The following PTPRZ1 variants were observed in gnomAD, a reference collection of about 807,000 sequenced individuals.
PTPRZ1 encodes protein tyrosine phosphatase receptor type Z1, also known as receptor-type tyrosine-protein phosphatase zeta.
PTPRZ1 carries 82 observed loss-of-function variants against 214.1 expected under a neutral mutation model. The observed-to-expected ratio is 0.38, with a 90% CI of 0.32 to 0.46. PTPRZ1 has a LOEUF of 0.46. Ranked by LOEUF, PTPRZ1 falls within the 20% of genes least tolerant of loss-of-function variation. The pLI is 1.00. For synonymous variants in PTPRZ1, 945 were observed against 987.9 expected (o/e 0.96, Z 0.81); for missense variants, 2,603 against 2,748.7 (o/e 0.95, Z 1.19).
chr7:122,056,716 A>G (rs1254002126), intron 27 of PTPRZ1, among the ~76,000 whole-genome samples: 1 of 151,452 alleles, frequency 6.6e-6, no homozygotes, highest in East Asian at 1.9e-4. Context: ...ATTGACTTTA[A>G]GAAATAGAAC....
chr7:121,988,813 C>T (rs1013747641), intron 8 of PTPRZ1, among the ~76,000 whole-genome samples: 1 of 152,204 alleles, frequency 6.6e-6, no homozygotes, highest in Non-Finnish European at 1.5e-5. Flanking sequence ...GATTTCCAGA[C>T]AGGTTGGAGC....
chr7:122,000,653 A>T (rs1451039692), intron 10 of PTPRZ1, among the ~76,000 whole-genome samples: 3 of 7,538 alleles, frequency 4.0e-4, no homozygotes, highest in African/African-American at 1.1e-3. Flanking sequence ...TTTCATATAT[A>T]TATATATATA....
intron 3 of PTPRZ1, among the ~76,000 whole-genome samples, chr7:121,971,044 A>G (rs1012728941): frequency 1.3e-5 from 2 of 152,040 alleles, no homozygotes; most frequent in African/African-American, 4.8e-5. Context: ...TCCCAGCACC[A>G]TTTCTTAAAT....
chr7:121,924,427 A>G (rs1430100866), intron 1 of PTPRZ1, among the ~76,000 whole-genome samples: 1 of 152,206 alleles, frequency 6.6e-6, no homozygotes, highest in African/African-American at 2.4e-5. Flanking sequence ...ACGCCCAAGC[A>G]CTATGTAATT....
intron 2 of PTPRZ1, among the ~76,000 whole-genome samples, chr7:121,938,454 G>C (rs1318580710): frequency 6.6e-6 from 1 of 152,180 alleles, no homozygotes; most frequent in Non-Finnish European, 1.5e-5. Flanking sequence ...CATCCAGAGG[G>C]AAAATAAACT....
intron 1 of PTPRZ1, among the ~76,000 whole-genome samples, chr7:121,882,613 T>C (rs1212948440): frequency 6.6e-6 from 1 of 152,156 alleles, no homozygotes; most frequent in Non-Finnish European, 1.5e-5. Context: ...CTACTCATTG[T>C]ACAATGGGAA....
chr7:122,024,767 T>G (rs1799159622), intron 13 of PTPRZ1, among the ~76,000 whole-genome samples: 1 of 152,204 alleles, frequency 6.6e-6, no homozygotes, highest in Non-Finnish European at 1.5e-5. Flanking sequence ...CCCACACTAC[T>G]GTGAACACTA....
At position 121,873,326 on chromosome 7, in the gene PTPRZ1, TCTCACA is replaced by T. The variant is rs1186572642; in HGVS notation, c.-172_-167del. 3.7e-6 allele frequency: 2 copies of T among 540,498 alleles called. No homozygotes were observed. The highest frequency in any genetic ancestry group is 2.4e-5 in the South Asian group (1 of 41,852). 33.5% of individuals were successfully genotyped at this position (540,498 alleles called of 1,614,324 possible). On this transcript the variant is annotated 5_prime_UTR_variant, in exon 1 of 30. Transcript: ENST00000393386. ...CTGTCTCTGTCTCTGTCTCTCTCTC[TCTCACA>T]CACACACACACACACACAAACACAC...
intron 1 of PTPRZ1, among the ~76,000 whole-genome samples, chr7:121,877,950 GTA>G (rs199900822): frequency 6.4e-4 from 96 of 149,032 alleles, no homozygotes; most frequent in Non-Finnish European, 6.8e-4. Context: ...ACATAAAAGT[GTA>G]TATATATATA....
intron 1 of PTPRZ1, among the ~76,000 whole-genome samples, chr7:121,896,758 G>T (rs1794796186): frequency 6.6e-6 from 1 of 151,272 alleles, no homozygotes; most frequent in South Asian, 2.1e-4. Flanking sequence ...GGGTGACAGG[G>T]TGAGACTCTG....
intron 6 of PTPRZ1, among the ~76,000 whole-genome samples, chr7:121,981,771 G>GGT (rs548092126): frequency 0.14 from 21,050 of 149,112 alleles, 1,553 homozygotes; most frequent in African/African-American, 0.2. Flanking sequence ...CATATTTATT[G>GGT]GTGTGTGTGT....
At chr7:121,944,040 C>T (rs1481032926) in intron 2 of PTPRZ1, among the ~76,000 whole-genome samples, 1 of 152,134 alleles carries the variant, frequency 6.6e-6, no homozygotes, top group Non-Finnish European at 1.5e-5. Flanking sequence ...ATGCTATTTT[C>T]AAAAGCTGCT....
Position 121,874,157 on chromosome 7 carries a change from A to G in PTPRZ1, c.58+600A>G, listed in dbSNP as rs117355994. Among the ~76,000 whole-genome samples the G allele has an allele frequency of 6.0e-4, 68 of 112,686 alleles. 1 individual carries two copies. In the East Asian group the frequency reaches 0.013, roughly 22 times the overall value. The allele number at this position is 112,686 out of a possible 152,430, so 73.9% of individuals were successfully genotyped here. A position where few individuals can be genotyped will look rare whatever the true frequency, so the allele number is the denominator to read the frequency against. On this transcript the variant is annotated intron_variant, in intron 1 of 29. Coordinates refer to ENST00000393386, the MANE Select transcript of PTPRZ1 (RefSeq NM_002851.3). Reference sequence around the variant, plus strand: ...TAGTCATATTCAAGTCTGCGCAATTACTTACAAAAAAAAAAGTTCCATCTA... The same window carrying G: ...TAGTCATATTCAAGTCTGCGCAATTGCTTACAAAAAAAAAAGTTCCATCTA...
chr7:121,976,170 T>C lies in PTPRZ1; in HGVS notation c.457-3T>C. 1 of 1,587,192 alleles carries C rather than the reference T, an allele frequency of 6.3e-7. No homozygotes were observed. Among genetic ancestry groups the C allele is most frequent in the Non-Finnish European group, 8.6e-7 (1 of 1,158,370 alleles). ...CATAAAACTATCATTGTTACTTTTATAGATGCAAATCTACTGCTTTGATGC... is the reference window on the plus strand; with the variant it reads ...CATAAAACTATCATTGTTACTTTTACAGATGCAAATCTACTGCTTTGATGC... On this transcript the variant is annotated splice_region_variant and splice_polypyrimidine_tract_variant and intron_variant, in intron 4 of 29. Transcript: ENST00000393386.
chr7:121,952,072 C>T (rs1796562116), intron 2 of PTPRZ1, among the ~76,000 whole-genome samples: 1 of 152,068 alleles, frequency 6.6e-6, no homozygotes, highest in Non-Finnish European at 1.5e-5. Context: ...CATTCTCCTG[C>T]CTCAGCCTCC....
Position 121,997,084 on chromosome 7 carries a change from A to G in PTPRZ1, c.1113+518A>G, listed in dbSNP as rs1004265362. ...AAAAGATCCACCCCTGCCTCCCTCC[A>G]CCAGCGCATGCGAATAAAGTACAGA... On this transcript the variant is annotated intron_variant, in intron 9 of 29. Transcript: ENST00000393386. Among the ~76,000 whole-genome samples the G allele has an allele frequency of 3.3e-5, 5 of 152,166 alleles. No homozygotes were observed. The South Asian group carries it at 1.0e-3, about 32-fold the overall frequency.
At chr7:121,969,925 A>G (rs1378913293) in intron 3 of PTPRZ1, among the ~76,000 whole-genome samples, 1 of 149,200 alleles carries the variant, frequency 6.7e-6, no homozygotes, top group Non-Finnish European at 1.5e-5. Flanking sequence ...TACATTAGGC[A>G]TATCTCCTAA....
chr7:121,918,117 ACT>A (rs1487100188), intron 1 of PTPRZ1, among the ~76,000 whole-genome samples: 1 of 152,076 alleles, frequency 6.6e-6, no homozygotes, highest in African/African-American at 2.4e-5. Context: ...GAGTCAAGAA[ACT>A]CTGCCTTGTC....
chr7:121,927,749 CT>C (rs1053992872), intron 1 of PTPRZ1, among the ~76,000 whole-genome samples: 2 of 152,138 alleles, frequency 1.3e-5, no homozygotes, highest in African/African-American at 4.8e-5. Context: ...TCAGATAAAA[CT>C]TGGATTGTAA....
Sources: allele counts gnomAD v4.1 joint callset (sites outside exome capture counted in the v4.1 genomes callset), GRCh38; gene constraint gnomAD v4.1.1; transcripts MANE v1.5; gene names NCBI Gene and HGNC (gene_info 2026-07-23, HGNC 2026-07-21).